DYNC1I1: variants seen among roughly 807,000 people sequenced by gnomAD.
DYNC1I1 encodes the protein dynein cytoplasmic 1 intermediate chain 1.
In DYNC1I1, 43 loss-of-function variants were observed where a neutral mutation model predicts 86.6. The observed-to-expected ratio is 0.50, with a 90% CI of 0.39 to 0.64. The LOEUF (loss-of-function observed/expected upper bound fraction) is 0.64, where lower values mean the gene tolerates loss of function less well. Ranked by LOEUF, DYNC1I1 falls within the 30% of genes least tolerant of loss-of-function variation. The pLI is 0.00. For missense variants in DYNC1I1, 604 were observed against 788.8 expected, an observed-to-expected ratio of 0.77 and a Z score of 2.81; for synonymous variants, 262 against 283.7, an observed-to-expected ratio of 0.92 and a Z score of 0.77.
At chr7:96,106,025 T>C (rs1478725665) in intron 16 of DYNC1I1, among the ~76,000 whole-genome samples, 1 of 152,214 alleles carries the variant, frequency 6.6e-6, no homozygotes, top group Non-Finnish European at 1.5e-5. Context: ...TGCTAAATTA[T>C]GTTTTCTTTA....
intron 1 of DYNC1I1, among the ~76,000 whole-genome samples, chr7:95,791,802 A>G (rs1396735702): frequency 6.6e-6 from 1 of 152,230 alleles, no homozygotes; most frequent in Non-Finnish European, 1.5e-5. Context: ...AATGGTAGTG[A>G]TTTAGTAAAA....
chr7:95,827,623 C>T (rs1238056780), intron 4 of DYNC1I1, among the ~76,000 whole-genome samples: 2 of 152,112 alleles, frequency 1.3e-5, no homozygotes, highest in African/African-American at 2.4e-5. Context: ...TGCAGTCATA[C>T]CCCTGCCCTT....
At chr7:95,828,784 A>C (rs952404156) in intron 5 of DYNC1I1, among the ~76,000 whole-genome samples, 6 of 152,184 alleles carry the variant, frequency 3.9e-5, no homozygotes, top group Non-Finnish European at 5.9e-5. Context: ...ACACACAGAC[A>C]TATCCTAGAA....
chr7:95,836,901 C>G (rs2115983784), intron 5 of DYNC1I1, among the ~76,000 whole-genome samples: 1 of 151,370 alleles, frequency 6.6e-6, no homozygotes, highest in South Asian at 2.1e-4. Context: ...AACTTCTTTG[C>G]CTTTGGTTTG....
At position 95,810,418 on chromosome 7, in the gene DYNC1I1, C is replaced by T. The variant is rs749417050; in HGVS notation, c.135C>T (p.Pro45=). ...KEADMQQKKE[P]VQDDSDLDRK... ...CTGATATGCAGCAGAAGAAAGAACC[C>T]GTTCAGGACGACTCTGATCTGGATC... Residue 45 remains proline, a synonymous_variant, in exon 3 of 17, where the codon CCC becomes CCT. Transcript: ENST00000447467. 2.5e-6 allele frequency: 4 copies of T among 1,611,052 alleles called. No homozygotes were observed. Among genetic ancestry groups the T allele is most frequent in the Non-Finnish European group, 2.5e-6 (3 of 1,178,450 alleles).
At chr7:95,797,663 T>C (rs145541618) in intron 1 of DYNC1I1, among the ~76,000 whole-genome samples, 157 of 152,346 alleles carry the variant, frequency 1.0e-3, no homozygotes, top group Non-Finnish European at 1.0e-3. Flanking sequence ...TTGATTGATA[T>C]GGTTTCATAT....
Position 95,940,675 on chromosome 7 carries a change from T to C in DYNC1I1, c.491-36837T>C, listed in dbSNP as rs187031008. On this transcript the variant is annotated intron_variant, in intron 6 of 16. Coordinates refer to ENST00000447467, the MANE Select transcript of DYNC1I1 (RefSeq NM_001135556.2). ...AGCTCCTTTAAGCACTTCTCTGTAT[T>C]GGTTATTCTAGTTAATACATTCGTC... 2.7e-3 allele frequency among the ~76,000 whole-genome samples: 415 copies of C among 152,334 alleles called. 2 individuals are homozygous for C. Among genetic ancestry groups the C allele is most frequent in the Non-Finnish European group, 5.0e-3 (343 of 68,036 alleles).
chr7:95,848,623 A>G (rs929387240), intron 5 of DYNC1I1, among the ~76,000 whole-genome samples: 5 of 152,124 alleles, frequency 3.3e-5, no homozygotes, highest in Admixed American at 6.5e-5. Flanking sequence ...TTACCTATTC[A>G]TCTTTTGATA....
In DYNC1I1 at chr7:95,873,699, A is replaced by G. The variant is rs546488384; in HGVS notation, c.490+3701A>G. ...AAGGTGAGATTGACAAGGGCTACAGATAGAGAACTGGCTCAGCCCTGAGGT... is the reference window on the plus strand; with the variant it reads ...AAGGTGAGATTGACAAGGGCTACAGGTAGAGAACTGGCTCAGCCCTGAGGT... On this transcript the variant is annotated intron_variant, in intron 6 of 16. Transcript: ENST00000447467. 1.3e-3 allele frequency among the ~76,000 whole-genome samples: 198 copies of G among 152,344 alleles called. 1 individual carries two copies. Among genetic ancestry groups the G allele is most frequent in the South Asian group, 3.1e-3 (15 of 4,826 alleles).
At chr7:95,897,118 G>C (rs1385771539) in intron 6 of DYNC1I1, among the ~76,000 whole-genome samples, 6 of 152,168 alleles carry the variant, frequency 3.9e-5, no homozygotes, top group African/African-American at 1.2e-4. Context: ...GCCTTTAATT[G>C]GGTGAGGAAA....
chr7:96,046,125 C>G (rs1789208260), intron 14 of DYNC1I1, among the ~76,000 whole-genome samples: 1 of 152,160 alleles, frequency 6.6e-6, no homozygotes, highest in Non-Finnish European at 1.5e-5. Flanking sequence ...AACAGAGAAC[C>G]AGGCTGCATT....
chr7:96,065,007 A>G (rs1299651534), intron 14 of DYNC1I1, among the ~76,000 whole-genome samples: 1 of 152,114 alleles, frequency 6.6e-6, no homozygotes, highest in Non-Finnish European at 1.5e-5. Context: ...TGATGATTAG[A>G]TGGGTTCGAT....
At chr7:96,078,559 T>C (rs998551547) in intron 15 of DYNC1I1, among the ~76,000 whole-genome samples, 2 of 152,176 alleles carry the variant, frequency 1.3e-5, no homozygotes, top group African/African-American at 4.8e-5. Flanking sequence ...TTCACTTTGT[T>C]ATAGTACTTA....
chr7:96,097,760 T>A lies in DYNC1I1; in HGVS notation c.*167T>A, dbSNP rs957827818. ...CAAGTATTCTAAATGTGTCCCATCA[T>A]GCTTTCCACTGACCCAAAATTCACC... is the stretch of plus-strand genomic sequence containing the variant. On this transcript the variant is annotated 3_prime_UTR_variant, in exon 17 of 17. Coordinates refer to ENST00000447467, the MANE Select transcript of DYNC1I1 (RefSeq NM_001135556.2). The A allele has an allele frequency of 1.5e-6, 2 of 1,330,722 alleles. No homozygotes were observed. The highest frequency in any genetic ancestry group is 3.0e-5 in the African/African-American group (2 of 67,782). The allele number at this position is 1,330,722 out of a possible 1,614,324, so 82.4% of individuals were successfully genotyped here.
In DYNC1I1 at chr7:95,984,915, C is replaced by T. The variant is rs1020373035; in HGVS notation, c.681C>T (p.Ala227=). 12 of 1,613,418 alleles carry T rather than the reference C, an allele frequency of 7.4e-6. No homozygotes were observed. Among genetic ancestry groups the T allele is most frequent in the Non-Finnish European group, 1.0e-5 (12 of 1,179,676 alleles). ...FDRTIRVIER[A]LAEDSDIFFD... is the part of the protein sequence containing the mutation. ...GGACAATACGGGTAATTGAAAGAGC[C>T]CTGGCTGAAGATTCCGACATCTTTT... The change falls in exon 8 of 17, where the codon GCC becomes GCT. Residue 227 remains alanine (A), a synonymous_variant. Transcript: ENST00000447467.
At chr7:96,016,205 T>C (rs1794398874) in intron 10 of DYNC1I1, among the ~76,000 whole-genome samples, 1 of 152,120 alleles carries the variant, frequency 6.6e-6, no homozygotes, top group Non-Finnish European at 1.5e-5. Context: ...AAATTTAGAA[T>C]GATCCAACTG....
intron 6 of DYNC1I1, among the ~76,000 whole-genome samples, chr7:95,936,956 T>TTTCACACACACACA (rs1554414664): frequency 7.4e-6 from 1 of 134,286 alleles, no homozygotes; most frequent in Non-Finnish European, 1.6e-5. Context: ...AGAATATGTC[T>TTTCACACACACACA]CACACACACA....
intron 6 of DYNC1I1, among the ~76,000 whole-genome samples, chr7:95,872,837 A>G (rs1790208814): frequency 6.6e-6 from 1 of 152,146 alleles, no homozygotes; most frequent in Admixed American, 6.5e-5. Context: ...GTCCCCTCCA[A>G]GGCTGCCTCT....
At chr7:95,971,451 C>T (rs1793167961) in intron 6 of DYNC1I1, among the ~76,000 whole-genome samples, 1 of 151,968 alleles carries the variant, frequency 6.6e-6, no homozygotes, top group Admixed American at 6.6e-5. Context: ...ATAAAAGTGG[C>T]CAGGGCATTT....
Sources: gnomAD v4.1 joint callset for allele counts (sites outside exome capture counted in the v4.1 genomes callset) on GRCh38, gnomAD v4.1.1 for gene constraint, MANE v1.5 for transcripts, NCBI Gene and HGNC (gene_info 2026-07-23, HGNC 2026-07-21) for gene names.